Variants in ADTRP observed in about 807,000 individuals in gnomAD.
ADTRP encodes androgen dependent TFPI regulating protein.
Under a neutral mutation model 27.0 loss-of-function variants are expected in ADTRP, and 20 were observed. That is an observed-to-expected ratio of 0.74 (90% CI 0.52 to 1.08). ADTRP has a LOEUF of 1.08. ADTRP is among the 50% of genes least tolerant of loss of function. The pLI is 0.00. For synonymous variants in ADTRP, 101 were observed against 105.2 expected, an observed-to-expected ratio of 0.96 and a Z score of 0.25; for missense variants, 251 against 275.0, an observed-to-expected ratio of 0.91 and a Z score of 0.62.
At chr6:11,772,298 C>T (rs1054907511) in intron 1 of ADTRP, among the ~76,000 whole-genome samples, 5 of 152,094 alleles carry the variant, frequency 3.3e-5, no homozygotes, top group South Asian at 2.1e-4. Context: ...CTAACACCTG[C>T]GACAAAGCTG....
intron 1 of ADTRP, among the ~76,000 whole-genome samples, chr6:11,769,495 G>A (rs1308982228): frequency 6.6e-6 from 1 of 152,130 alleles, no homozygotes; most frequent in African/African-American, 2.4e-5. Flanking sequence ...TGTTAGAAAT[G>A]CAGGACCTCC....
At chr6:11,746,743 T>G (rs1433434598) in intron 3 of ADTRP, among the ~76,000 whole-genome samples, 4 of 152,142 alleles carry the variant, frequency 2.6e-5, no homozygotes, top group African/African-American at 7.2e-5. Flanking sequence ...ATCTACTAGG[T>G]TTCCAGACAA....
intron 4 of ADTRP, among the ~76,000 whole-genome samples, chr6:11,732,970 T>C (rs1762434293): frequency 6.6e-6 from 1 of 152,136 alleles, no homozygotes; most frequent in Non-Finnish European, 1.5e-5. Context: ...ACAACTGGAT[T>C]TGGAGAGAGG....
rs113258516 is a variant in ADTRP, at chr6:11,732,689, C to G, written c.506+2879G>C. The stretch of plus-strand genomic sequence containing the variant: ...TAGCATTTTTCATGAAGGACGAAAT[C>G]CCAAACCACCTCAGCTCCCCACTGG... On this transcript the variant is annotated intron_variant, in intron 4 of 5. Transcript: ENST00000414691. Among the ~76,000 whole-genome samples, 24 of 152,284 alleles carry G rather than the reference C, an allele frequency of 1.6e-4. No homozygotes were observed. In the South Asian group the frequency reaches 2.9e-3, roughly 18 times the overall value.
At chr6:11,768,514 G>T in intron 1 of ADTRP, 131 bp from the exon 2 acceptor site, 2 of 1,215,484 alleles carry the variant, frequency 1.6e-6, no homozygotes, top group Non-Finnish European at 2.3e-6. Flanking sequence ...TGTTTTGGTT[G>T]AGAGCCAATT....
intron 3 of ADTRP, among the ~76,000 whole-genome samples, chr6:11,736,996 C>T (rs187987806): frequency 5.9e-5 from 9 of 152,096 alleles, no homozygotes; most frequent in African/African-American, 2.2e-4. Flanking sequence ...AAACCCTTAA[C>T]AGTAGAGTTT....
intron 3 of ADTRP, among the ~76,000 whole-genome samples, chr6:11,740,602 A>G (rs1178889976): frequency 1.3e-5 from 2 of 152,212 alleles, no homozygotes; most frequent in African/African-American, 4.8e-5. Flanking sequence ...GGCATGCAGT[A>G]ATAGTTGTTT....
intron 3 of ADTRP, among the ~76,000 whole-genome samples, chr6:11,742,650 A>G (rs1762754569): frequency 6.6e-6 from 1 of 152,236 alleles, no homozygotes; most frequent in Non-Finnish European, 1.5e-5. Context: ...AGCGAGACTA[A>G]GCCTCATAGT....
chr6:11,743,003 C>A (rs1250709682), intron 3 of ADTRP, among the ~76,000 whole-genome samples: 3 of 152,174 alleles, frequency 2.0e-5, no homozygotes. Context: ...TAATGTTGAA[C>A]CCTTTTATTG....
intron 5 of ADTRP, among the ~76,000 whole-genome samples, chr6:11,715,806 C>CTTTTTTTTT (rs55961408): frequency 6.4e-5 from 5 of 77,700 alleles, no homozygotes; most frequent in African/African-American, 1.3e-4. Context: ...CCATGCCCAG[C>CTTTTTTTTT]TTTTTTTTTT....
chr6:11,714,726 TCA>T (rs1761758079), intron 5 of ADTRP, among the ~76,000 whole-genome samples: 1 of 152,226 alleles, frequency 6.6e-6, no homozygotes, highest in South Asian at 2.1e-4. Context: ...AGTGCTGGGT[TCA>T]CAGTTAGCCA....
At chr6:11,758,808 T>C (rs1158424299) in intron 3 of ADTRP, among the ~76,000 whole-genome samples, 9 of 152,214 alleles carry the variant, frequency 5.9e-5, no homozygotes, top group Non-Finnish European at 1.2e-4. Context: ...TGTTGGTACA[T>C]TGAGAAAGTG....
chr6:11,761,955 T>C (rs1035365902), intron 3 of ADTRP, among the ~76,000 whole-genome samples: 3 of 151,738 alleles, frequency 2.0e-5, no homozygotes, highest in Non-Finnish European at 4.4e-5. Flanking sequence ...TCAGGAAGGG[T>C]GGGAGGAGTT....
At chr6:11,745,368 A>C (rs1762834359) in intron 3 of ADTRP, among the ~76,000 whole-genome samples, 1 of 152,200 alleles carries the variant, frequency 6.6e-6, no homozygotes, top group African/African-American at 2.4e-5. Flanking sequence ...TAGGTAACTG[A>C]AAGGTATATA....
intron 5 of ADTRP, among the ~76,000 whole-genome samples, chr6:11,719,601 C>G (rs1279220588): frequency 6.6e-6 from 1 of 152,168 alleles, no homozygotes; most frequent in Non-Finnish European, 1.5e-5. Flanking sequence ...TTGACTGATA[C>G]TTCGCCTGAT....
At chr6:11,744,604 C>T (rs867182414) in intron 3 of ADTRP, among the ~76,000 whole-genome samples, 2 of 152,136 alleles carry the variant, frequency 1.3e-5, no homozygotes, top group African/African-American at 4.8e-5. Flanking sequence ...GGTGGAAGGG[C>T]CCCCAGGTTT....
chr6:11,727,034 C>T (rs11752727), intron 4 of ADTRP, among the ~76,000 whole-genome samples: 7,417 of 151,902 alleles, frequency 0.049, 239 homozygotes, highest in Non-Finnish European at 0.051. Flanking sequence ...AATTCTTTTT[C>T]TTTTTTTAGA....
At chr6:11,733,236 T>A (rs1331280985) in intron 4 of ADTRP, among the ~76,000 whole-genome samples, 1 of 152,240 alleles carries the variant, frequency 6.6e-6, no homozygotes, top group African/African-American at 2.4e-5. Context: ...TCCTCTTCAG[T>A]CTAATGTCCA....
chr6:11,720,321 C>T (rs1255999187), intron 5 of ADTRP, among the ~76,000 whole-genome samples: 3 of 152,090 alleles, frequency 2.0e-5, no homozygotes, highest in African/African-American at 7.2e-5. Context: ...AATATTAAAC[C>T]TTATGAATAC....
Sources: gnomAD v4.1 joint callset for allele counts (sites outside exome capture counted in the v4.1 genomes callset) on GRCh38, gnomAD v4.1.1 for gene constraint, MANE v1.5 for transcripts, NCBI Gene and HGNC (gene_info 2026-07-23, HGNC 2026-07-21) for gene names.